UTP23: variants seen among roughly 807,000 people sequenced by gnomAD.
UTP23 encodes rRNA-processing protein UTP23 homolog.
In UTP23, 10 loss-of-function variants were observed where a neutral mutation model predicts 19.8. The ratio of observed to expected loss-of-function variants is 0.50; its 90% CI spans 0.31 to 0.86. The LOEUF (loss-of-function observed/expected upper bound fraction) is 0.86. Ranked by LOEUF, UTP23 falls within the 40% of genes least tolerant of loss-of-function variation. The pLI is 0.05. For synonymous variants in UTP23, 108 were observed against 105.4 expected (o/e 1.02, Z -0.15); for missense variants, 282 against 293.1 (o/e 0.96, Z 0.28).
intron 1 of UTP23, 66 bp downstream of exon 1, chr8:116,766,857 G>T: frequency 7.1e-7 from 1 of 1,410,710 alleles, no homozygotes. Flanking sequence ...CGAGGCCGTT[G>T]CTCACAGACC....
chr8:116,769,985 T>C, intron 1 of UTP23: 1 of 480,610 alleles, frequency 2.1e-6, no homozygotes, highest in Non-Finnish European at 3.7e-6. Context: ...GCATACTACA[T>C]GGAACATAAT....
chr8:116,772,828 G>A lies in UTP23; in HGVS notation c.*986G>A, dbSNP rs562961873. ...GTCTCTCTGAATTCCCCCGGCAATT[G>A]TTTTAGTCATTTATCAGGCCAAAAT... On this transcript the variant is annotated 3_prime_UTR_variant, in exon 3 of 3. Coordinates refer to ENST00000309822, the MANE Select transcript of UTP23 (RefSeq NM_032334.3). 8 of 985,390 alleles carry A rather than the reference G, an allele frequency of 8.1e-6. No individual in the cohort carries two copies. The South Asian group carries it at 3.3e-4, about 41-fold the overall frequency. 61.0% of individuals were successfully genotyped at this position (985,390 alleles called of 1,614,324 possible).
chr8:116,766,738 G>A lies in UTP23; in HGVS notation c.135G>A (p.Leu45=). 2 of 1,603,558 alleles carry A rather than the reference G, an allele frequency of 1.2e-6. No homozygotes were observed. Among genetic ancestry groups the A allele is most frequent in the South Asian group, 2.2e-5 (2 of 90,122 alleles). The change falls in exon 1 of 3, where the codon CTG becomes CTA. Residue 45 remains leucine (L), a synonymous_variant. Transcript: ENST00000309822. ...CQAALRGRIQ[L]REQLPRYLMG... is the part of the protein sequence containing the mutation. ...CGGCGCTGCGGGGCCGCATCCAGCT[G>A]CGGGAGCAGCTGCCCCGCTACCTCA...
chr8:116,772,554 T>G lies in UTP23; in HGVS notation c.*712T>G. 1.0e-6 allele frequency: 1 copy of G among 985,188 alleles called. No homozygotes were observed. The highest frequency in any genetic ancestry group is 1.2e-6 in the Non-Finnish European group (1 of 829,684). 61.0% of individuals were successfully genotyped at this position (985,188 alleles called of 1,614,324 possible). ...GCACCATTTTTCCAGTATATGAATA[T>G]TTTACTCTTTGTACATCAGAAACTC... On this transcript the variant is annotated 3_prime_UTR_variant, in exon 3 of 3. Coordinates refer to ENST00000309822, the MANE Select transcript of UTP23 (RefSeq NM_032334.3).
chr8:116,767,863 T>C (rs1815604715), intron 1 of UTP23, among the ~76,000 whole-genome samples: 1 of 152,170 alleles, frequency 6.6e-6, no homozygotes, highest in Admixed American at 6.5e-5. Flanking sequence ...TCACGAATAA[T>C]CACTGTTAAC....
At chr8:116,769,376 G>A (rs541545480) in intron 1 of UTP23, among the ~76,000 whole-genome samples, 3 of 152,302 alleles carry the variant, frequency 2.0e-5, no homozygotes, top group Admixed American at 1.3e-4. Flanking sequence ...GAGTATGGGT[G>A]AAGAAGGGCA....
Position 116,772,199 on chromosome 8 carries a change from A to C in UTP23, c.*357A>C. ...CATGTCTCAAAAAAAAAATAAAAAC[A>C]GTGAATGGGTGTAGGTGTGATGGAA... On this transcript the variant is annotated 3_prime_UTR_variant, in exon 3 of 3. Transcript: ENST00000309822. 2.0e-6 allele frequency: 2 copies of C among 997,588 alleles called. No homozygotes were observed. Among genetic ancestry groups the C allele is most frequent in the African/African-American group, 1.7e-5 (1 of 57,692 alleles). The allele number at this position is 997,588 out of a possible 1,614,324, so 61.8% of individuals were successfully genotyped here. A position where few individuals can be genotyped will look rare whatever the true frequency, so the allele number is the denominator to read the frequency against.
Position 116,766,773 on chromosome 8 carries a change from C to A in UTP23, c.170C>A (p.Thr57Lys), listed in dbSNP as rs1411955340. The A allele has an allele frequency of 6.4e-7, 1 of 1,571,890 alleles. No individual in the cohort carries two copies. Residue 57 changes from threonine to lysine, a missense_variant, in exon 1 of 3, where the codon ACG becomes AAG. Coordinates refer to ENST00000309822, the MANE Select transcript of UTP23 (RefSeq NM_032334.3). ...CTGCCCCGCTACCTCATGGGGGAGA[C>A]GCAGCTGTGCACCACAAGGTGGGCC... ...EQLPRYLMGETQLCTTRCVLK... is the reference protein window; with the variant it reads ...EQLPRYLMGEKQLCTTRCVLK...
Position 116,766,568 on chromosome 8 carries a change from T to A in UTP23, c.-36T>A, listed in dbSNP as rs1185673299. 6.3e-7 allele frequency: 1 copy of A among 1,596,064 alleles called. No homozygotes were observed. Among genetic ancestry groups the A allele is most frequent in the Non-Finnish European group, 8.5e-7 (1 of 1,170,300 alleles). On this transcript the variant is annotated 5_prime_UTR_variant, in exon 1 of 3. Transcript: ENST00000309822. Reference sequence around the variant, plus strand: ...CGTGCGTGAGGCGTTTACTGATGCTTCCTGGTCCGGTGGCCTCGGTCCCGG... The same window carrying A: ...CGTGCGTGAGGCGTTTACTGATGCTACCTGGTCCGGTGGCCTCGGTCCCGG...
chr8:116,774,006 G>A lies in UTP23; in HGVS notation c.*2164G>A. The stretch of plus-strand genomic sequence containing the variant: ...TTTGCTTTATTTTTTCATACAACTT[G>A]GGGAAGGGAACCATGGGAGTATGCA... On this transcript the variant is annotated 3_prime_UTR_variant, in exon 3 of 3. Transcript: ENST00000309822. 1.0e-6 allele frequency: 1 copy of A among 985,188 alleles called. No individual in the cohort carries two copies. Among genetic ancestry groups the A allele is most frequent in the Non-Finnish European group, 1.2e-6 (1 of 829,880 alleles). The allele number at this position is 985,188 out of a possible 1,614,324, so 61.0% of individuals were successfully genotyped here.
At position 116,771,898 on chromosome 8, in the gene UTP23, G is replaced by A; in HGVS notation, c.*56G>A. The A allele has an allele frequency of 6.7e-7, 1 of 1,490,314 alleles. No individual in the cohort carries two copies. The highest frequency in any genetic ancestry group is 8.9e-7 in the Non-Finnish European group (1 of 1,129,870). The allele number at this position is 1,490,314 out of a possible 1,614,324, so 92.3% of individuals were successfully genotyped here. On this transcript the variant is annotated 3_prime_UTR_variant, in exon 3 of 3. Coordinates refer to ENST00000309822, the MANE Select transcript of UTP23 (RefSeq NM_032334.3). ...TGTGAAAATGAATTTTTTACAACTA[G>A]AAGTATTTATAATAAAAGACCAAAC...
rs752312450 is a variant in UTP23 at position 116,770,377 on chromosome 8, T to C, written c.363+11T>C. 3.1e-5 allele frequency: 49 copies of C among 1,583,526 alleles called. No individual in the cohort carries two copies. The Middle Eastern group carries it at 2.2e-3, about 71-fold the overall frequency. On this transcript the variant is annotated intron_variant, in intron 2 of 2. Coordinates refer to ENST00000309822, the MANE Select transcript of UTP23 (RefSeq NM_032334.3). The stretch of plus-strand genomic sequence containing the variant: ...TTTGTGGCAACACAGGTGATACTAC[T>C]TTTAAAACCACAGGCAATTTTCACC...
rs548688117 is a variant in UTP23, at chr8:116,768,421, ACT to A, written c.188+1633_188+1634del. ...CAATTTTTCTAACAAATTTATTTTA[ACT>A]CTGGAATTTTTCAGACAACTCAAAG... On this transcript the variant is annotated intron_variant, in intron 1 of 2. Transcript: ENST00000309822. Among the ~76,000 whole-genome samples the A allele has an allele frequency of 2.7e-3, 406 of 152,326 alleles. 2 individuals carry two copies. Among genetic ancestry groups the A allele is most frequent in the Non-Finnish European group, 4.5e-3 (309 of 68,026 alleles).
At position 116,774,069 on chromosome 8, in the gene UTP23, A is replaced by G; in HGVS notation, c.*2227A>G. On this transcript the variant is annotated 3_prime_UTR_variant, in exon 3 of 3. Transcript: ENST00000309822. Reference sequence around the variant, plus strand: ...ATCCATTCTGTGGTTTGGAAAAAGAAAATGTTAACCTCTGCTTTAGAGGGT... The same window carrying G: ...ATCCATTCTGTGGTTTGGAAAAAGAGAATGTTAACCTCTGCTTTAGAGGGT... 1 of 985,380 alleles carries G rather than the reference A, an allele frequency of 1.0e-6. No individual in the cohort carries two copies. The highest frequency in any genetic ancestry group is 1.2e-6 in the Non-Finnish European group (1 of 829,928). The allele number at this position is 985,380 out of a possible 1,614,324, so 61.0% of individuals were successfully genotyped here. A position where few individuals can be genotyped will look rare whatever the true frequency, so the allele number is the denominator to read the frequency against.
Position 116,774,278 on chromosome 8 carries a change from T to A in UTP23, c.*2436T>A. On this transcript the variant is annotated 3_prime_UTR_variant, in exon 3 of 3. Transcript: ENST00000309822. ...ACATTTTTATGGCCCTACAGCTACTTCTTATCCCTGCAAGTATATAAATTA... is the reference window on the plus strand; with the variant it reads ...ACATTTTTATGGCCCTACAGCTACTACTTATCCCTGCAAGTATATAAATTA... The A allele has an allele frequency of 8.1e-6, 8 of 985,372 alleles. No individual in the cohort carries two copies. Among genetic ancestry groups the A allele is most frequent in the Non-Finnish European group, 9.6e-6 (8 of 829,926 alleles). The allele number at this position is 985,372 out of a possible 1,614,324, so 61.0% of individuals were successfully genotyped here. A position where few individuals can be genotyped will look rare whatever the true frequency, so the allele number is the denominator to read the frequency against.
Position 116,772,971 on chromosome 8 carries a change from C to A in UTP23, c.*1129C>A, listed in dbSNP as rs759134807. ...ACTAGAGCAGTGATTCTCAGTCTAA[C>A]ATTAGGTTATCATGATGACGTATGA... is the stretch of plus-strand genomic sequence containing the variant. On this transcript the variant is annotated 3_prime_UTR_variant, in exon 3 of 3. Coordinates refer to ENST00000309822, the MANE Select transcript of UTP23 (RefSeq NM_032334.3). 1 of 985,370 alleles carries A rather than the reference C, an allele frequency of 1.0e-6. No homozygotes were observed. The highest frequency in any genetic ancestry group is 1.2e-6 in the Non-Finnish European group (1 of 829,876). The allele number at this position is 985,370 out of a possible 1,614,324, so 61.0% of individuals were successfully genotyped here.
Position 116,771,903 on chromosome 8 carries a change from A to G in UTP23, c.*61A>G. 2 of 1,483,514 alleles carry G rather than the reference A, an allele frequency of 1.3e-6. No homozygotes were observed. Among genetic ancestry groups the G allele is most frequent in the East Asian group, 4.6e-5 (2 of 43,122 alleles). The allele number at this position is 1,483,514 out of a possible 1,614,324, so 91.9% of individuals were successfully genotyped here. On this transcript the variant is annotated 3_prime_UTR_variant, in exon 3 of 3. Coordinates refer to ENST00000309822, the MANE Select transcript of UTP23 (RefSeq NM_032334.3). The stretch of plus-strand genomic sequence containing the variant: ...AAATGAATTTTTTACAACTAGAAGT[A>G]TTTATAATAAAAGACCAAACTTATT...
chr8:116,774,422 T>TATAGG lies in UTP23; in HGVS notation c.*2580_*2581insATAGG. On this transcript the variant is annotated 3_prime_UTR_variant, in exon 3 of 3. Transcript: ENST00000309822. ...TTTGACAGGTTTAATTGCTAGTTTT[T>TATAGG]TATAGGTGGATAGAAATGAATAGTT... 1 of 984,726 alleles carries TATAGG rather than the reference T, an allele frequency of 1.0e-6. No individual in the cohort carries two copies. Among genetic ancestry groups the TATAGG allele is most frequent in the Non-Finnish European group, 1.2e-6 (1 of 829,424 alleles). The allele number at this position is 984,726 out of a possible 1,614,324, so 61.0% of individuals were successfully genotyped here.
rs879549393 is a variant in UTP23, at chr8:116,773,702, C to G, written c.*1860C>G. Reference sequence around the variant, plus strand: ...GTGTGCGCCTGTAGTCCCAGCTACTCGGGAGGCTGAGGCAGGAGAATCGCT... The same window carrying G: ...GTGTGCGCCTGTAGTCCCAGCTACTGGGGAGGCTGAGGCAGGAGAATCGCT... On this transcript the variant is annotated 3_prime_UTR_variant, in exon 3 of 3. Coordinates refer to ENST00000309822, the MANE Select transcript of UTP23 (RefSeq NM_032334.3). 3 of 282,810 alleles carry G rather than the reference C, an allele frequency of 1.1e-5. No homozygotes were observed. Among genetic ancestry groups the G allele is most frequent in the Non-Finnish European group, 1.6e-5 (3 of 188,026 alleles). 17.5% of individuals were successfully genotyped at this position (282,810 alleles called of 1,614,324 possible).
Sources: allele counts gnomAD v4.1 joint callset (sites outside exome capture counted in the v4.1 genomes callset), GRCh38; gene constraint gnomAD v4.1.1; transcripts MANE v1.5; gene names NCBI Gene and HGNC (gene_info 2026-07-23, HGNC 2026-07-21).